RTN3: variants seen among roughly 807,000 people sequenced by gnomAD.
RTN3 encodes the protein reticulon-3.
In RTN3, 49 loss-of-function variants were observed where a neutral mutation model predicts 77.8. That is an observed-to-expected ratio of 0.63 (90% CI 0.50 to 0.80). The LOEUF is 0.80. RTN3 is among the 30% of genes least tolerant of loss of function. The pLI, the probability that RTN3 is intolerant of heterozygous loss-of-function variation, is 0.00. For missense variants in RTN3, 1,236 were observed against 1,211.9 expected (o/e 1.02, Z -0.29); for synonymous variants, 464 against 446.9 (o/e 1.04, Z -0.48).
Position 63,704,858 on chromosome 11 carries a change from T to C in RTN3, c.150T>C (p.Phe50=), listed in dbSNP as rs368123181. The C allele has an allele frequency of 5.6e-6, 9 of 1,610,372 alleles. No individual in the cohort carries two copies. The highest frequency in any genetic ancestry group is 7.6e-6 in the Non-Finnish European group (9 of 1,176,944). ...KSCSSSCADS[F]VSSSSSQPVS... The stretch of plus-strand genomic sequence containing the variant: ...CTGTATATTTTCTTTCAGATTCCTT[T>C]GTTTCTTCCTCTTCCTCTCAGCCTG... Residue 50 remains phenylalanine, a synonymous_variant, in exon 2 of 9, where the codon TTT becomes TTC. Coordinates refer to ENST00000377819, the MANE Select transcript of RTN3 (RefSeq NM_001265589.2).
chr11:63,681,815 G>T, intron 1 of RTN3, 37 bp downstream of exon 1: 1 of 1,504,626 alleles, frequency 6.6e-7, no homozygotes, highest in Non-Finnish European at 8.8e-7. Flanking sequence ...TGGGAAAGAG[G>T]GCGAGCGGGA....
intron 3 of RTN3, among the ~76,000 whole-genome samples, chr11:63,727,666 T>C (rs1285144782): frequency 6.6e-6 from 1 of 151,994 alleles, no homozygotes; most frequent in East Asian, 1.9e-4. Context: ...TGTGGGACAA[T>C]ATCAAAAGAC....
Position 63,749,981 on chromosome 11 carries a change from C to G in RTN3, c.2531-10C>G, listed in dbSNP as rs767309973. ...TTTCTTATAACTTATATTCCCTTTT[C>G]TTTTGTCAGTGCACGATCTGATTTT... On this transcript the variant is annotated splice_polypyrimidine_tract_variant and intron_variant, in intron 3 of 8. Transcript: ENST00000377819. 1.2e-6 allele frequency: 2 copies of G among 1,606,894 alleles called. No individual in the cohort carries two copies. Among genetic ancestry groups the G allele is most frequent in the South Asian group, 1.1e-5 (1 of 90,790 alleles).
chr11:63,747,499 C>G (rs2013867163), intron 3 of RTN3, among the ~76,000 whole-genome samples: 1 of 152,200 alleles, frequency 6.6e-6, no homozygotes, highest in African/African-American at 2.4e-5. Context: ...GTCATAATAC[C>G]TTCTCTTTCT....
rs777001795 is a variant in RTN3 at position 63,719,486 on chromosome 11, C to T, written c.984C>T (p.Cys328=). The T allele has an allele frequency of 1.3e-5, 21 of 1,613,972 alleles. No individual in the cohort carries two copies. Among genetic ancestry groups the T allele is most frequent in the African/African-American group, 2.7e-5 (2 of 74,918 alleles). The change falls in exon 3 of 9, where the codon TGC becomes TGT. Residue 328 remains cysteine, a synonymous_variant. Transcript: ENST00000377819. ...TNAALEEVSR[C]VNDMHNFTNE... ...CAGCACTGGAAGAGGTGTCCAGATG[C>T]GTGAATGATATGCATAACTTTACTA...
At chr11:63,701,590 G>T (rs987127808) in intron 1 of RTN3, among the ~76,000 whole-genome samples, 61 of 152,034 alleles carry the variant, frequency 4.0e-4, no homozygotes, top group Non-Finnish European at 1.0e-4. Context: ...TCATGCAGAA[G>T]ACACAGGGGG....
In RTN3 at chr11:63,718,945, C is replaced by T. The variant is rs2011558189; in HGVS notation, c.443C>T (p.Ala148Val). 2 of 1,614,186 alleles carry T rather than the reference C, an allele frequency of 1.2e-6. No homozygotes were observed. The highest frequency in any genetic ancestry group is 1.7e-6 in the Non-Finnish European group (2 of 1,180,032). ...NNVSDSSVSLAAGVHCDRPSI... is the reference protein window; with the variant it reads ...NNVSDSSVSLVAGVHCDRPSI... ...GTATCAGACTCTTCAGTTTCTCTTG[C>T]AGCAGGAGTTCATTGTGACCGTCCT... Residue 148 changes from alanine (A) to valine (V), a missense_variant, in exon 3 of 9, where the codon GCA (alanine) becomes GTA (valine). This residue lies in a region of RTN3 where 1,056 missense variants were observed against 990.4 expected (regional missense o/e 1.07). Coordinates refer to ENST00000377819, the MANE Select transcript of RTN3 (RefSeq NM_001265589.2).
intron 3 of RTN3, among the ~76,000 whole-genome samples, chr11:63,743,725 G>T (rs186922816): frequency 6.6e-6 from 1 of 152,062 alleles, no homozygotes; most frequent in Admixed American, 6.6e-5. Context: ...GACCAGCCTG[G>T]CCAACATGGT....
At chr11:63,734,984 A>G (rs536182) in intron 3 of RTN3, among the ~76,000 whole-genome samples, 1 of 152,144 alleles carries the variant, frequency 6.6e-6, no homozygotes, top group African/African-American at 2.4e-5. Flanking sequence ...GTTGATAAAC[A>G]AAACTCAATT....
At chr11:63,743,464 A>T (rs1335810114) in intron 3 of RTN3, among the ~76,000 whole-genome samples, 2 of 152,170 alleles carry the variant, frequency 1.3e-5, no homozygotes, top group Non-Finnish European at 2.9e-5. Flanking sequence ...GAATTATGGA[A>T]TTCTTCCTTG....
At chr11:63,681,462 G>GCGCTCC (rs1186793115), upstream of RTN3, 5 of 597,568 alleles carry the variant, frequency 8.4e-6, no homozygotes, top group African/African-American at 9.7e-5. Context: ...ATGCGCGCTC[G>GCGCTCC]CGCTCCCGCC....
At chr11:63,723,145 T>C in intron 3 of RTN3, among the ~76,000 whole-genome samples, 1 of 152,172 alleles carries the variant, frequency 6.6e-6, no homozygotes, top group Non-Finnish European at 1.5e-5. Context: ...GCGTGAGAGA[T>C]GTAAAGGGCT....
chr11:63,750,587 G>T (rs2014049002), intron 4 of RTN3, among the ~76,000 whole-genome samples: 1 of 151,804 alleles, frequency 6.6e-6, no homozygotes, highest in African/African-American at 2.4e-5. Flanking sequence ...TGAGTAGCTG[G>T]GATTACAGGC....
intron 6 of RTN3, 97 bp from the exon 7 acceptor site, chr11:63,753,565 C>A: frequency 9.0e-7 from 1 of 1,109,838 alleles, no homozygotes; most frequent in Non-Finnish European, 1.3e-6. Context: ...CTGTGTTTTC[C>A]TGTATTTTTT....
At chr11:63,744,443 A>G (rs1477619511) in intron 3 of RTN3, among the ~76,000 whole-genome samples, 5 of 152,250 alleles carry the variant, frequency 3.3e-5, no homozygotes, top group East Asian at 3.9e-4. Context: ...CTACATACCT[A>G]TGCAATATGG....
intron 1 of RTN3, among the ~76,000 whole-genome samples, chr11:63,684,935 C>G (rs1468545334): frequency 6.7e-6 from 1 of 148,526 alleles, no homozygotes; most frequent in Non-Finnish European, 1.5e-5. Flanking sequence ...AATTTTTGTA[C>G]TTTTACTAGA....
chr11:63,681,482 C>A, upstream of RTN3: 6 of 756,952 alleles, frequency 7.9e-6, no homozygotes, highest in Non-Finnish European at 9.5e-6. Context: ...CCTCTAGCTG[C>A]GCTCGGCTGA....
intron 1 of RTN3, among the ~76,000 whole-genome samples, chr11:63,682,899 G>GA (rs1031157276): frequency 7.3e-5 from 11 of 151,592 alleles, no homozygotes; most frequent in Admixed American, 3.3e-4. Flanking sequence ...TCTTTGAAGG[G>GA]AAAAAAAATG....
chr11:63,702,454 A>T lies in RTN3; in HGVS notation c.143-2397A>T, dbSNP rs576132873. Among the ~76,000 whole-genome samples the T allele has an allele frequency of 2.6e-5, 4 of 151,378 alleles. No individual in the cohort carries two copies. The East Asian group carries it at 7.8e-4, about 30-fold the overall frequency. On this transcript the variant is annotated intron_variant, in intron 1 of 8. Coordinates refer to ENST00000377819, the MANE Select transcript of RTN3 (RefSeq NM_001265589.2). ...CTCAGCCTTCGGAGTAGCTGGGATT[A>T]CAGGCACGTGCCACCACGCCTGGCT...
Sources: allele counts gnomAD v4.1 joint callset (sites outside exome capture counted in the v4.1 genomes callset), GRCh38; gene constraint gnomAD v4.1.1; regional missense constraint gnomAD v4.1.1; transcripts MANE v1.5; gene names NCBI Gene and HGNC (gene_info 2026-07-23, HGNC 2026-07-21).